The following TENM3 variants were observed in gnomAD, a reference collection of about 807,000 sequenced individuals.
TENM3 encodes the protein teneurin-3.
TENM3 carries 63 observed loss-of-function variants against 255.1 expected under a neutral mutation model. That is an observed-to-expected ratio of 0.25 (90% CI 0.20 to 0.30). The LOEUF (loss-of-function observed/expected upper bound fraction) is 0.30. Ranked by LOEUF, TENM3 falls within the 10% of genes least tolerant of loss-of-function variation. The probability of loss-of-function intolerance (pLI) is 1.00; values close to 1 mark genes in which losing one functional copy is unlikely to be tolerated. For synonymous variants in TENM3, 1,306 were observed against 1,322.3 expected (o/e 0.99, Z 0.27); for missense variants, 2,929 against 3,461.1 (o/e 0.85, Z 3.86).
the TENM3 span, among the ~76,000 whole-genome samples, chr4:181,683,770 A>T: frequency 6.6e-6 from 1 of 152,132 alleles, no homozygotes; most frequent in African/African-American, 2.4e-5. Flanking sequence ...TGAAATCTGT[A>T]CTACCCGATG....
At chr4:182,355,854 T>C (rs373757309) in intron 3 of TENM3, among the ~76,000 whole-genome samples, 59 of 151,636 alleles carry the variant, frequency 3.9e-4, no homozygotes, top group Middle Eastern at 3.4e-3. Context: ...AGACATAGTG[T>C]TTGATGTGTC....
chr4:181,699,056 C>T, the TENM3 span, among the ~76,000 whole-genome samples: 2 of 152,060 alleles, frequency 1.3e-5, no homozygotes, highest in African/African-American at 2.4e-5. Context: ...TTTACAGTGT[C>T]AATTTATGTG....
chr4:182,774,823 C>G (rs1481037291), intron 23 of TENM3, 95 bp from the exon 24 acceptor site: 3 of 829,384 alleles, frequency 3.6e-6, no homozygotes, highest in Non-Finnish European at 5.8e-6. Flanking sequence ...TATTCCTAGT[C>G]AACTTTTAGA....
intron 3 of TENM3, among the ~76,000 whole-genome samples, chr4:182,424,604 A>G (rs1232610734): frequency 6.6e-6 from 1 of 152,160 alleles, no homozygotes; most frequent in Non-Finnish European, 1.5e-5. Context: ...CAACCTTGCC[A>G]CCATTTAAAG....
At chr4:181,458,572 G>A in the TENM3 span, among the ~76,000 whole-genome samples, 9 of 151,828 alleles carry the variant, frequency 5.9e-5, no homozygotes, top group African/African-American at 2.2e-4. Context: ...AGTTTACTTT[G>A]CATATTCTCT....
At chr4:182,685,445 C>T (rs950603600) in intron 11 of TENM3, among the ~76,000 whole-genome samples, 5 of 152,104 alleles carry the variant, frequency 3.3e-5, no homozygotes, top group Non-Finnish European at 7.4e-5. Flanking sequence ...TTACCACCAA[C>T]CAACACTTAC....
the TENM3 span, among the ~76,000 whole-genome samples, chr4:182,039,812 C>T: frequency 6.7e-6 from 1 of 149,360 alleles, no homozygotes; most frequent in Non-Finnish European, 1.5e-5. Flanking sequence ...ATAAAAAGTG[C>T]TCAGCAAACA....
the TENM3 span, among the ~76,000 whole-genome samples, chr4:181,675,744 G>A: frequency 6.6e-6 from 1 of 151,922 alleles, no homozygotes; most frequent in Non-Finnish European, 1.5e-5. Context: ...CGCACGAGGG[G>A]TAAACATTTT....
At chr4:182,405,386 G>A (rs911669030) in intron 3 of TENM3, among the ~76,000 whole-genome samples, 1 of 152,202 alleles carries the variant, frequency 6.6e-6, no homozygotes, top group Non-Finnish European at 1.5e-5. Context: ...ATACTGATGA[G>A]AGCGTACCTA....
chr4:182,136,144 T>C, the TENM3 span, among the ~76,000 whole-genome samples: 1 of 151,984 alleles, frequency 6.6e-6, no homozygotes, highest in Non-Finnish European at 1.5e-5. Context: ...TTTGGAAAGC[T>C]GGTATGGAAA....
At chr4:181,577,473 G>A in the TENM3 span, among the ~76,000 whole-genome samples, 3 of 151,770 alleles carry the variant, frequency 2.0e-5, no homozygotes, top group African/African-American at 7.3e-5. Context: ...TTCTCTCACT[G>A]TAAATACTCA....
At chr4:181,936,256 A>C in the TENM3 span, among the ~76,000 whole-genome samples, 10 of 152,140 alleles carry the variant, frequency 6.6e-5, no homozygotes, top group South Asian at 2.1e-3. Context: ...TAAGCTGGGC[A>C]TGGTGGTGTG....
At chr4:181,622,223 C>T in the TENM3 span, among the ~76,000 whole-genome samples, 10 of 152,270 alleles carry the variant, frequency 6.6e-5, no homozygotes, top group African/African-American at 2.2e-4. Context: ...GGTCATGCAT[C>T]GCTATGTGTG....
At chr4:181,823,002 A>G in the TENM3 span, among the ~76,000 whole-genome samples, 2 of 152,200 alleles carry the variant, frequency 1.3e-5, no homozygotes, top group African/African-American at 4.8e-5. Flanking sequence ...GCGGAGGGAG[A>G]AAAAGAAAGA....
At chr4:181,548,664 T>C in the TENM3 span, among the ~76,000 whole-genome samples, 1 of 152,114 alleles carries the variant, frequency 6.6e-6, no homozygotes, top group Non-Finnish European at 1.5e-5. Context: ...GAGGGAGATA[T>C]AGTCAACCCT....
chr4:182,185,177 C>G (rs1753074573), intron 1 of TENM3, among the ~76,000 whole-genome samples: 1 of 152,150 alleles, frequency 6.6e-6, no homozygotes, highest in Non-Finnish European at 1.5e-5. Context: ...TTCCATCAGT[C>G]TTAAAATCAT....
chr4:182,446,369 T>G (rs1045071583), intron 3 of TENM3, among the ~76,000 whole-genome samples: 2 of 152,230 alleles, frequency 1.3e-5, no homozygotes, highest in Non-Finnish European at 2.9e-5. Context: ...AAATGGAAAT[T>G]TTAATAAATG....
chr4:182,608,309 A>G (rs1236980697), intron 4 of TENM3, among the ~76,000 whole-genome samples: 1 of 152,080 alleles, frequency 6.6e-6, no homozygotes, highest in Non-Finnish European at 1.5e-5. Context: ...GCTAGAGTGC[A>G]TTGGCACAAT....
the TENM3 span, among the ~76,000 whole-genome samples, chr4:182,113,912 C>T: frequency 6.6e-6 from 1 of 152,128 alleles, no homozygotes; most frequent in South Asian, 2.1e-4. Flanking sequence ...CTAAGATATA[C>T]TCATCATTTA....
Sources: gnomAD v4.1 joint callset for allele counts (sites outside exome capture counted in the v4.1 genomes callset) on GRCh38, gnomAD v4.1.1 for gene constraint, MANE v1.5 for transcripts, NCBI Gene and HGNC (gene_info 2026-07-23, HGNC 2026-07-21) for gene names.